Variants in LRFN5 observed in about 807,000 individuals in gnomAD.
LRFN5 encodes leucine rich repeat and fibronectin type III domain containing 5, also known as leucine-rich repeat and fibronectin type-III domain-containing protein 5.
Under a neutral mutation model 45.6 loss-of-function variants are expected in LRFN5, and 24 were observed. The observed-to-expected ratio is 0.53, with a 90% CI of 0.38 to 0.74. LRFN5 has a LOEUF of 0.74. LRFN5 is among the 30% of genes least tolerant of loss of function. LRFN5 has a pLI of 0.00. For missense variants in LRFN5, 776 were observed against 861.5 expected, an observed-to-expected ratio of 0.90 and a Z score of 1.24; for synonymous variants, 340 against 313.8, an observed-to-expected ratio of 1.08 and a Z score of -0.88.
At chr14:41,634,754 G>C (rs141528970) in intron 1 of LRFN5, among the ~76,000 whole-genome samples, 1 of 152,040 alleles carries the variant, frequency 6.6e-6, no homozygotes, top group Non-Finnish European at 1.5e-5. Context: ...GTTTTAATTT[G>C]TATCATTTTC....
chr14:41,704,436 C>G (rs77786526), intron 1 of LRFN5, among the ~76,000 whole-genome samples: 10,379 of 89,290 alleles, frequency 0.12, 909 homozygotes, highest in East Asian at 0.46. Context: ...CTCTCTCTCT[C>G]TCTCTCTCTC....
At chr14:41,636,013 G>T (rs1249992888) in intron 1 of LRFN5, among the ~76,000 whole-genome samples, 1 of 152,080 alleles carries the variant, frequency 6.6e-6, no homozygotes, top group African/African-American at 2.4e-5. Flanking sequence ...AGAACTGACT[G>T]GGTGGACTCC....
intron 1 of LRFN5, among the ~76,000 whole-genome samples, chr14:41,625,760 T>A (rs1323399899): frequency 1.3e-5 from 2 of 152,146 alleles, no homozygotes; most frequent in Non-Finnish European, 2.9e-5. Context: ...TTTTCACATG[T>A]ACAAGGTAAA....
At chr14:41,889,312 A>C (rs937712984) in intron 3 of LRFN5, among the ~76,000 whole-genome samples, 5 of 152,112 alleles carry the variant, frequency 3.3e-5, no homozygotes, top group African/African-American at 1.2e-4. Context: ...GCAGTATTCT[A>C]TATGGCTGAG....
intron 1 of LRFN5, among the ~76,000 whole-genome samples, chr14:41,632,312 A>C (rs956745604): frequency 6.6e-6 from 1 of 152,118 alleles, no homozygotes; most frequent in Non-Finnish European, 1.5e-5. Context: ...TTAAAAATGT[A>C]GGTGTTGTTG....
intron 2 of LRFN5, among the ~76,000 whole-genome samples, chr14:41,772,358 G>A (rs1886121135): frequency 6.6e-6 from 1 of 152,066 alleles, no homozygotes; most frequent in East Asian, 1.9e-4. Context: ...AATATCCTTA[G>A]GTATATACTT....
chr14:41,672,882 AAAAT>A (rs1004939445), intron 1 of LRFN5, among the ~76,000 whole-genome samples: 1 of 152,156 alleles, frequency 6.6e-6, no homozygotes. Context: ...CTATGCCTTT[AAAAT>A]AAATAGGGAC....
Position 41,856,675 on chromosome 14 carries a change from A to ATTT in LRFN5, c.-20-29914_-20-29912dup, listed in dbSNP as rs1555326982. Reference sequence around the variant, plus strand: ...TTCTTTCCTAATTATTATTATTATTATTTTTTTTTTTTTTTTTTTGAGACG... The same window carrying ATTT: ...TTCTTTCCTAATTATTATTATTATTATTTTTTTTTTTTTTTTTTTTTTGAGACG... On this transcript the variant is annotated intron_variant, in intron 2 of 5. Coordinates refer to ENST00000298119, the MANE Select transcript of LRFN5 (RefSeq NM_152447.5). Among the ~76,000 whole-genome samples, 8 of 18,332 alleles carry ATTT rather than the reference A, an allele frequency of 4.4e-4. 1 individual carries two copies. Among genetic ancestry groups the ATTT allele is most frequent in the Admixed American group, 2.4e-3 (2 of 824 alleles). 12.0% of individuals were successfully genotyped at this position (18,332 alleles called of 152,430 possible). A position where few individuals can be genotyped will look rare whatever the true frequency, so the allele number is the denominator to read the frequency against.
rs1887574632 is a variant in LRFN5 at position 41,807,827 on chromosome 14, G to A, written c.-21+40798G>A. On this transcript the variant is annotated intron_variant, in intron 2 of 5. Coordinates refer to ENST00000298119, the MANE Select transcript of LRFN5 (RefSeq NM_152447.5). ...CCACCCCTTTTATTTTTAATAATTG[G>A]CCTCCTGTACTGGGTAATTTGGGAA... is the stretch of plus-strand genomic sequence containing the variant. Among the ~76,000 whole-genome samples, 4 of 151,876 alleles carry A rather than the reference G, an allele frequency of 2.6e-5. No homozygotes were observed. The South Asian group carries it at 8.3e-4, about 32-fold the overall frequency.
chr14:41,895,471 A>G (rs1566511436), intron 4 of LRFN5, among the ~76,000 whole-genome samples: 1 of 151,906 alleles, frequency 6.6e-6, no homozygotes, highest in Non-Finnish European at 1.5e-5. Flanking sequence ...TAAAAACACA[A>G]AAAAATTAGC....
chr14:41,619,643 A>C (rs1389365743), intron 1 of LRFN5, among the ~76,000 whole-genome samples: 1 of 152,050 alleles, frequency 6.6e-6, no homozygotes. Context: ...TGAAATTTCT[A>C]CTAGTAAATT....
intron 2 of LRFN5, among the ~76,000 whole-genome samples, chr14:41,871,730 A>G (rs1890026553): frequency 6.6e-6 from 1 of 152,134 alleles, no homozygotes; most frequent in Non-Finnish European, 1.5e-5. Context: ...TTATTTCAAC[A>G]TCTCTCCCAC....
intron 2 of LRFN5, among the ~76,000 whole-genome samples, chr14:41,859,095 A>G (rs1031030874): frequency 1.3e-5 from 2 of 152,116 alleles, no homozygotes; most frequent in African/African-American, 4.8e-5. Context: ...ATGAATTTCT[A>G]TGGTGAAATT....
chr14:41,736,035 T>C (rs1884416309), intron 1 of LRFN5, among the ~76,000 whole-genome samples: 1 of 152,050 alleles, frequency 6.6e-6, no homozygotes, highest in Admixed American at 6.5e-5. Flanking sequence ...TTCCAAGTCT[T>C]TGCTATTGTG....
chr14:41,812,373 G>C (rs1594431602), intron 2 of LRFN5, among the ~76,000 whole-genome samples: 1 of 151,536 alleles, frequency 6.6e-6, no homozygotes, highest in South Asian at 2.1e-4. Flanking sequence ...TATAATTTTA[G>C]CTCCCTTATT....
At chr14:41,895,095 G>T (rs116447401) in intron 4 of LRFN5, 6 of 974,968 alleles carry the variant, frequency 6.2e-6, no homozygotes, top group Admixed American at 6.2e-5. Context: ...ATGTATTAAC[G>T]ATGTTTACTT....
intron 2 of LRFN5, among the ~76,000 whole-genome samples, chr14:41,778,014 G>A (rs112885012): frequency 7.3e-5 from 6 of 82,054 alleles, no homozygotes; most frequent in African/African-American, 2.6e-4. Context: ...TTTTTGGTGG[G>A]GGGGGGGGAT....
At chr14:41,707,339 T>G (rs1883108375) in intron 1 of LRFN5, among the ~76,000 whole-genome samples, 2 of 152,204 alleles carry the variant, frequency 1.3e-5, no homozygotes, top group Non-Finnish European at 2.9e-5. Context: ...TTTTTCCTCT[T>G]AAGTTTTATG....
At chr14:41,866,509 C>T (rs748781361) in intron 2 of LRFN5, among the ~76,000 whole-genome samples, 9 of 152,126 alleles carry the variant, frequency 5.9e-5, no homozygotes, top group East Asian at 1.9e-4. Flanking sequence ...ATGGTATATC[C>T]GAACCAAGGA....
Sources: gnomAD v4.1 joint callset for allele counts (sites outside exome capture counted in the v4.1 genomes callset) on GRCh38, gnomAD v4.1.1 for gene constraint, MANE v1.5 for transcripts, NCBI Gene and HGNC (gene_info 2026-07-23, HGNC 2026-07-21) for gene names.